Variants in MSTO1 observed in about 807,000 individuals in gnomAD.
MSTO1 encodes protein misato homolog 1.
Under a neutral mutation model 55.7 loss-of-function variants are expected in MSTO1, and 24 were observed. The observed-to-expected ratio is 0.43, with a 90% CI of 0.31 to 0.61. MSTO1 has a LOEUF of 0.61. MSTO1 is among the 20% of genes least tolerant of loss of function. The probability of loss-of-function intolerance (pLI) is 0.09; values close to 1 mark genes in which losing one functional copy is unlikely to be tolerated. For synonymous variants in MSTO1, 162 were observed against 252.8 expected, an observed-to-expected ratio of 0.64 and a Z score of 3.41; for missense variants, 363 against 625.7, an observed-to-expected ratio of 0.58 and a Z score of 4.48.
the MSTO1 span, chr1:155,602,042 C>T: frequency 3.8e-5 from 22 of 579,214 alleles, 1 homozygote; most frequent in Admixed American, 4.5e-4. Flanking sequence ...GTATGAGCCG[C>T]CGCGCCCGGC....
chr1:155,609,243 A>ATTTTT (rs1185140621), upstream of MSTO1, among the ~76,000 whole-genome samples: 147 of 54,558 alleles, frequency 2.7e-3, 4 homozygotes, highest in East Asian at 5.6e-3. Flanking sequence ...ATATATATAT[A>ATTTTT]TTTTTTTTTT....
chr1:155,593,975 A>C, the MSTO1 span, among the ~76,000 whole-genome samples: 2 of 151,938 alleles, frequency 1.3e-5, no homozygotes, highest in African/African-American at 4.8e-5. Flanking sequence ...TCTAAAAAAA[A>C]AAAAATGCCA....
chr1:155,595,491 CTTTTTTT>C, the MSTO1 span, among the ~76,000 whole-genome samples: 1 of 119,674 alleles, frequency 8.4e-6, no homozygotes, highest in East Asian at 2.4e-4. Flanking sequence ...ATTTCTTTTT[CTTTTTTT>C]TTTTTTTTGA....
chr1:155,572,539 C>A, the MSTO1 span, among the ~76,000 whole-genome samples: 1 of 152,112 alleles, frequency 6.6e-6, no homozygotes, highest in Non-Finnish European at 1.5e-5. Context: ...TGGTGAAACC[C>A]CGTCTCTACT....
chr1:155,574,451 C>T, the MSTO1 span, among the ~76,000 whole-genome samples: 1 of 151,992 alleles, frequency 6.6e-6, no homozygotes, highest in Non-Finnish European at 1.5e-5. Flanking sequence ...TGATAACTGT[C>T]CTATAGTTGT....
At chr1:155,567,012 C>T in the MSTO1 span, among the ~76,000 whole-genome samples, 4 of 151,802 alleles carry the variant, frequency 2.6e-5, no homozygotes, top group Non-Finnish European at 1.5e-5. Flanking sequence ...CCTCGGTAGC[C>T]GGGACTACTG....
chr1:155,598,808 CAACATATATT>C, the MSTO1 span: 14 of 1,225,032 alleles, frequency 1.1e-5, no homozygotes, highest in Non-Finnish European at 1.7e-5. Context: ...TTTTCTTTAA[CAACATATATT>C]TTAGATGGAG....
chr1:155,575,736 A>G, the MSTO1 span, among the ~76,000 whole-genome samples: 1 of 149,872 alleles, frequency 6.7e-6, no homozygotes, highest in Non-Finnish European at 1.5e-5. Context: ...GAGCCACTGC[A>G]CCTGGCTCTT....
At chr1:155,591,310 A>G in the MSTO1 span, 1 of 1,407,312 alleles carries the variant, frequency 7.1e-7, no homozygotes, top group South Asian at 1.4e-5. Context: ...CGAAATTCCT[A>G]GGCCAAGTCG....
At chr1:155,603,830 T>C in the MSTO1 span, among the ~76,000 whole-genome samples, 1 of 152,012 alleles carries the variant, frequency 6.6e-6, no homozygotes, top group African/African-American at 2.4e-5. Context: ...TGTACTCCAG[T>C]CTGGGTGACA....
the MSTO1 span, among the ~76,000 whole-genome samples, chr1:155,567,888 T>G: frequency 1.3e-5 from 2 of 151,216 alleles, no homozygotes. Context: ...TACAAAAAAA[T>G]CAGCTGGGCA....
the MSTO1 span, chr1:155,590,747 G>A: frequency 1.3e-6 from 2 of 1,599,078 alleles, no homozygotes; most frequent in Non-Finnish European, 1.7e-6. Context: ...AGCAACAAAA[G>A]GCCTGAGGCC....
the MSTO1 span, among the ~76,000 whole-genome samples, chr1:155,572,560 A>G: frequency 3.9e-5 from 6 of 152,064 alleles, no homozygotes; most frequent in African/African-American, 1.2e-4. Context: ...AAAAATACAA[A>G]ACTTAACCAG....
At chr1:155,598,309 T>C in the MSTO1 span, among the ~76,000 whole-genome samples, 2 of 152,126 alleles carry the variant, frequency 1.3e-5, no homozygotes, top group Non-Finnish European at 2.9e-5. Context: ...GAGACAGGGT[T>C]TCTCCATGTT....
upstream of MSTO1, chr1:155,610,041 C>T (rs559884537): frequency 1.1e-4 from 66 of 594,872 alleles, no homozygotes; most frequent in African/African-American, 1.2e-3. Flanking sequence ...AGCCCCGCCC[C>T]TCACAGGCAA....
At chr1:155,598,092 A>G in the MSTO1 span, among the ~76,000 whole-genome samples, 2,686 of 152,078 alleles carry the variant, frequency 0.018, 89 homozygotes, top group African/African-American at 0.062. Flanking sequence ...CACTGGGATT[A>G]CAGGCGTGTG....
the MSTO1 span, among the ~76,000 whole-genome samples, chr1:155,574,369 A>G: frequency 6.6e-6 from 1 of 152,158 alleles, no homozygotes; most frequent in Non-Finnish European, 1.5e-5. Flanking sequence ...GACATAGCAG[A>G]AAAGCTGAGG....
chr1:155,566,858 G>A, the MSTO1 span, among the ~76,000 whole-genome samples: 1 of 151,780 alleles, frequency 6.6e-6, no homozygotes, highest in South Asian at 2.1e-4. Context: ...CAGGTGATCC[G>A]CCCGTCTCGG....
At chr1:155,573,151 A>G in the MSTO1 span, among the ~76,000 whole-genome samples, 37,943 of 152,090 alleles carry the variant, frequency 0.25, 5,666 homozygotes, top group East Asian at 0.72. Context: ...GGCAGTGGTT[A>G]TCACTCTTGG....
Sources: gnomAD v4.1 joint callset for allele counts (sites outside exome capture counted in the v4.1 genomes callset) on GRCh38, gnomAD v4.1.1 for gene constraint, MANE v1.5 for transcripts, NCBI Gene and HGNC (gene_info 2026-07-23, HGNC 2026-07-21) for gene names.